The following ARHGEF1 variants were observed in gnomAD, a reference collection of about 807,000 sequenced individuals.
ARHGEF1 encodes the protein Rho guanine nucleotide exchange factor 1, also known as 115 kDa guanine nucleotide exchange factor.
A neutral mutation model predicts 119.7 loss-of-function variants in ARHGEF1; 40 were observed. The observed-to-expected ratio is 0.33, with a 90% CI of 0.26 to 0.44. The LOEUF is 0.44. ARHGEF1 is among the 20% of genes least tolerant of loss of function. The pLI is 1.00. For missense variants in ARHGEF1, 976 were observed against 1,268.3 expected (o/e 0.77, Z 3.50); for synonymous variants, 494 against 521.0 (o/e 0.95, Z 0.71).
At chr19:41,893,327 C>G in intron 8 of ARHGEF1, 24 bp downstream of exon 8, 2 of 1,578,336 alleles carry the variant, frequency 1.3e-6, no homozygotes, top group Non-Finnish European at 1.7e-6. Flanking sequence ...GGGAGGCGTG[C>G]GGCCTCCTGG....
Position 41,895,503 on chromosome 19 carries a change from C to A in ARHGEF1, c.1015+17C>A. 2 of 1,580,282 alleles carry A rather than the reference C, an allele frequency of 1.3e-6. No homozygotes were observed. The highest frequency in any genetic ancestry group is 8.6e-7 in the Non-Finnish European group (1 of 1,159,384). On this transcript the variant is annotated intron_variant, in intron 12 of 28. Transcript: ENST00000354532. ...GGGAACCAGGTGAGAGTTTCCTGGG[C>A]CAGGGCTCCATGAGGCCCGGCGATC... is the stretch of plus-strand genomic sequence containing the variant.
At position 41,905,404 on chromosome 19, in the gene ARHGEF1, C is replaced by A. The variant is rs113199223; in HGVS notation, c.2336+143C>A. 2 of 733,004 alleles carry A rather than the reference C, an allele frequency of 2.7e-6. No homozygotes were observed. The highest frequency in any genetic ancestry group is 4.4e-6 in the Non-Finnish European group (2 of 450,868). The allele number at this position is 733,004 out of a possible 1,614,324, so 45.4% of individuals were successfully genotyped here. ...GTGTGTGCATACATGTGTGTCTGTACGCAAGTATGTGACTGTGCGTGCATA... is the reference window on the plus strand; with the variant it reads ...GTGTGTGCATACATGTGTGTCTGTAAGCAAGTATGTGACTGTGCGTGCATA... On this transcript the variant is annotated intron_variant, in intron 24 of 28. Transcript: ENST00000354532. The surrounding 1 kb of genome is among the most constrained non-coding windows in gnomAD (Gnocchi z 6.4).
chr19:41,897,161 T>C (rs1555847962), intron 13 of ARHGEF1: 2 of 625,040 alleles, frequency 3.2e-6, no homozygotes, highest in Admixed American at 5.2e-5. Flanking sequence ...CTCTGCTCTG[T>C]GCCCTGGGGG....
rs1276456227 is a variant in ARHGEF1, at chr19:41,905,476, G to T, written c.2336+215G>T. ...TGTGTGCGTGTGCATGTGTGTGCGT[G>T]TATGGTGTGTGTGTATGCATATGTG... On this transcript the variant is annotated intron_variant, in intron 24 of 28. Coordinates refer to ENST00000354532, the MANE Select transcript of ARHGEF1 (RefSeq NM_004706.4). This position sits in a 1 kb window ranked among gnomAD's most constrained non-coding sequence, Gnocchi z 6.4. 3 of 614,372 alleles carry T rather than the reference G, an allele frequency of 4.9e-6. No homozygotes were observed. Among genetic ancestry groups the T allele is most frequent in the Non-Finnish European group, 8.6e-6 (3 of 349,474 alleles). 38.1% of individuals were successfully genotyped at this position (614,372 alleles called of 1,614,324 possible).
rs548776443 is a variant in ARHGEF1 at position 41,902,319 on chromosome 19, A to G, written c.1460A>G (p.Tyr487Cys). ...RLMKRRQESG[Y>C]LIEEIGDVLL... Reference sequence around the variant, plus strand: ...ATGAAGCGGAGGCAGGAGAGTGGCTACCTCATCGAGGAGATCGGAGACGTG... The same window carrying G: ...ATGAAGCGGAGGCAGGAGAGTGGCTGCCTCATCGAGGAGATCGGAGACGTG... The change falls in exon 16 of 29, where the codon TAC becomes TGC. Residue 487 changes from tyrosine to cysteine, a missense_variant. By Grantham distance (194) the Tyr-to-Cys change is radical. Coordinates refer to ENST00000354532, the MANE Select transcript of ARHGEF1 (RefSeq NM_004706.4). This position sits in a 1 kb window ranked among gnomAD's most constrained non-coding sequence, Gnocchi z 6.5. The G allele has an allele frequency of 5.9e-5, 95 of 1,613,988 alleles. No homozygotes were observed. Among genetic ancestry groups the G allele is most frequent in the Middle Eastern group, 3.3e-4 (2 of 6,062 alleles).
In ARHGEF1 at chr19:41,906,833, T is replaced by C. The variant is rs2074706937; in HGVS notation, c.*17+30T>C. On this transcript the variant is annotated intron_variant, in intron 28 of 28. Transcript: ENST00000354532. The surrounding 1 kb of genome is among the most constrained non-coding windows in gnomAD (Gnocchi z 4.5). ...GTGGGGCACCTGGGGGCCAGGGCGC[T>C]GTCCTGAAAGGAGGGTCCCCCTCCA... The C allele has an allele frequency of 1.3e-6, 2 of 1,545,428 alleles. No individual in the cohort carries two copies. The highest frequency in any genetic ancestry group is 2.3e-5 in the East Asian group (1 of 43,752).
At chr19:41,893,129 G>T in intron 7 of ARHGEF1, 145 bp from the exon 8 acceptor site, 1 of 1,184,972 alleles carries the variant, frequency 8.4e-7, no homozygotes, top group East Asian at 2.5e-5. Context: ...TCTTATGACA[G>T]TCCTTCCCAA....
At chr19:41,912,469 C>T (rs2074758715) in intron 18 of ARHGEF1, among the ~76,000 whole-genome samples, 1 of 152,234 alleles carries the variant, frequency 6.6e-6, no homozygotes, top group Non-Finnish European at 1.5e-5. Context: ...GTCTGTCTAC[C>T]TGTCCATCCG....
chr19:41,906,849 TC>T lies in ARHGEF1; in HGVS notation c.*17+51del, dbSNP rs35227111. 4.1e-6 allele frequency: 6 copies of T among 1,462,516 alleles called. No individual in the cohort carries two copies. The highest frequency in any genetic ancestry group is 1.9e-4 in the Middle Eastern group (1 of 5,286). The allele number at this position is 1,462,516 out of a possible 1,614,324, so 90.6% of individuals were successfully genotyped here. On this transcript the variant is annotated intron_variant, in intron 28 of 28. Transcript: ENST00000354532. This position sits in a 1 kb window ranked among gnomAD's most constrained non-coding sequence, Gnocchi z 4.5. ...CCAGGGCGCTGTCCTGAAAGGAGGGTCCCCCTCCAGAGCTCGCATCCCTACA... is the reference window on the plus strand; with the variant it reads ...CCAGGGCGCTGTCCTGAAAGGAGGGTCCCCTCCAGAGCTCGCATCCCTACA...
chr19:41,913,962 C>T (rs1244316993), intron 18 of ARHGEF1, among the ~76,000 whole-genome samples: 1 of 151,058 alleles, frequency 6.6e-6, no homozygotes, highest in African/African-American at 2.4e-5. Context: ...CCCAGACGCT[C>T]TCAAAAACCC....
chr19:41,896,792 C>CA (rs1392720820), intron 13 of ARHGEF1: 187 of 488,674 alleles, frequency 3.8e-4, no homozygotes, highest in Middle Eastern at 3.2e-3. Flanking sequence ...TTATTTCCCC[C>CA]TCCTCTCTCA....
intron 14 of ARHGEF1, among the ~76,000 whole-genome samples, chr19:41,900,546 C>T (rs1371976273): frequency 6.6e-6 from 1 of 152,094 alleles, no homozygotes; most frequent in Non-Finnish European, 1.5e-5. Flanking sequence ...ATATGCCCTC[C>T]GGGGATGTGG....
chr19:41,904,344 C>T lies in ARHGEF1; in HGVS notation c.2122C>T (p.Leu708=). The T allele has an allele frequency of 6.3e-7, 1 of 1,597,734 alleles. No homozygotes were observed. Residue 708 remains leucine, a synonymous_variant, in exon 22 of 29, where the codon CTG becomes TTG. Coordinates refer to ENST00000354532, the MANE Select transcript of ARHGEF1 (RefSeq NM_004706.4). This position sits in a 1 kb window ranked among gnomAD's most constrained non-coding sequence, Gnocchi z 8.4. The part of the protein sequence containing the change: ...PDGKTMLRPV[L]RLTSAMTREV... ...TGGCAAGACCATGCTGCGGCCCGTG[C>T]TGCGGCTCACCTCCGCCATGACCCG...
chr19:41,903,536 G>A lies in ARHGEF1; in HGVS notation c.1839+129G>A. The A allele has an allele frequency of 2.0e-6, 2 of 1,007,502 alleles. No individual in the cohort carries two copies. Among genetic ancestry groups the A allele is most frequent in the South Asian group, 3.0e-5 (2 of 67,302 alleles). The allele number at this position is 1,007,502 out of a possible 1,614,324, so 62.4% of individuals were successfully genotyped here. A position where few individuals can be genotyped will look rare whatever the true frequency, so the allele number is the denominator to read the frequency against. On this transcript the variant is annotated intron_variant, in intron 19 of 28. Transcript: ENST00000354532. The surrounding 1 kb of genome is among the most constrained non-coding windows in gnomAD (Gnocchi z 4.2). ...TCTCCCTCAAGGGTCACTGTGTCCAGGGGTTGGCTTGGCCCTCAGCATCTC... is the reference window on the plus strand; with the variant it reads ...TCTCCCTCAAGGGTCACTGTGTCCAAGGGTTGGCTTGGCCCTCAGCATCTC...
At chr19:41,899,173 G>A (rs1216910170) in intron 14 of ARHGEF1, among the ~76,000 whole-genome samples, 1 of 152,046 alleles carries the variant, frequency 6.6e-6, no homozygotes, top group Admixed American at 6.5e-5. Flanking sequence ...ATTCTTTGTA[G>A]AGATGGGGTT....
upstream of ARHGEF1, among the ~76,000 whole-genome samples, chr19:41,921,444 C>T (rs533263885): frequency 6.6e-6 from 1 of 152,114 alleles, no homozygotes; most frequent in African/African-American, 2.4e-5. This position sits in a 1 kb window ranked among gnomAD's most constrained non-coding sequence, Gnocchi z 4.4. Flanking sequence ...GGACAGGTCC[C>T]ACAGAAACAG....
rs1333384171 is a variant in ARHGEF1, at chr19:41,889,149, C to G, written c.225+284C>G. 1 of 340,132 alleles carries G rather than the reference C, an allele frequency of 2.9e-6. No homozygotes were observed. Among genetic ancestry groups the G allele is most frequent in the Non-Finnish European group, 5.5e-6 (1 of 182,622 alleles). The allele number at this position is 340,132 out of a possible 1,614,324, so 21.1% of individuals were successfully genotyped here. ...AGAGAGTCCAGCAGCCTGGCAGAAA[C>G]CACATCCCATCCCACTCTGTGCCTG... On this transcript the variant is annotated intron_variant, in intron 4 of 28. Transcript: ENST00000354532. This position sits in a 1 kb window ranked among gnomAD's most constrained non-coding sequence, Gnocchi z 4.0.
upstream of ARHGEF1, among the ~76,000 whole-genome samples, chr19:41,920,464 CATG>C (rs781877712): frequency 3.9e-4 from 58 of 148,530 alleles, no homozygotes; most frequent in African/African-American, 9.4e-4. Flanking sequence ...CACGCCCAGA[CATG>C]ATGAACTCAC....
At position 41,884,384 on chromosome 19, in the gene ARHGEF1, A is replaced by C. The variant is rs1321901547; in HGVS notation, c.-20+1095A>C. 10 of 1,568,468 alleles carry C rather than the reference A, an allele frequency of 6.4e-6. No individual in the cohort carries two copies. In the South Asian group the frequency reaches 6.8e-5, roughly 11 times the overall value. On this transcript the variant is annotated intron_variant, in intron 1 of 28. Coordinates refer to ENST00000354532, the MANE Select transcript of ARHGEF1 (RefSeq NM_004706.4). ...GGAGTGGAGCTGGGCGCAAAGGTGG[A>C]CTCAGGGCGGCTAGAGCGACGCGGC...
Sources: gnomAD v4.1 joint callset for allele counts (sites outside exome capture counted in the v4.1 genomes callset) on GRCh38, gnomAD v4.1.1 for gene constraint, Gnocchi (gnomAD v3.1) non-coding constraint, MANE v1.5 for transcripts, NCBI Gene and HGNC (gene_info 2026-07-23, HGNC 2026-07-21) for gene names.